The following CRHR1 variants were observed in gnomAD, a reference collection of about 807,000 sequenced individuals.
CRHR1 encodes corticotropin releasing hormone receptor 1.
A neutral mutation model predicts 56.0 loss-of-function variants in CRHR1; 28 were observed. That is an observed-to-expected ratio of 0.50 (90% CI 0.37 to 0.69). The LOEUF is 0.69. Ranked by LOEUF, CRHR1 falls within the 30% of genes least tolerant of loss-of-function variation. CRHR1 has a pLI of 0.00. For missense variants in CRHR1, 376 were observed against 548.0 expected (o/e 0.69, Z 3.13); for synonymous variants, 195 against 216.5 (o/e 0.90, Z 0.87).
At chr17:45,790,974 T>C (rs1436970415) in intron 1 of CRHR1, among the ~76,000 whole-genome samples, 2 of 152,160 alleles carry the variant, frequency 1.3e-5, no homozygotes, top group Non-Finnish European at 2.9e-5. Flanking sequence ...CCCACAGAGC[T>C]GAAAGGCACC....
Position 45,821,468 on chromosome 17 carries a change from A to G in CRHR1, c.327+28A>G, listed in dbSNP as rs759285896. The stretch of plus-strand genomic sequence containing the variant: ...GAGGCTGAGCCGAACAAGGCTGCCC[A>G]TATGGAGGGGAGTCCAGGGTCCCCA... On this transcript the variant is annotated intron_variant, in intron 4 of 12. Coordinates refer to ENST00000314537, the MANE Select transcript of CRHR1 (RefSeq NM_004382.5). 5 of 1,600,434 alleles carry G rather than the reference A, an allele frequency of 3.1e-6. No individual in the cohort carries two copies. In the African/African-American group the frequency reaches 5.3e-5, roughly 17 times the overall value.
At chr17:45,827,426 T>C (rs1454583851) in intron 4 of CRHR1, among the ~76,000 whole-genome samples, 1 of 152,188 alleles carries the variant, frequency 6.6e-6, no homozygotes, top group Admixed American at 6.5e-5. Context: ...TGTGGAAAAT[T>C]TAATAAAAGG....
chr17:45,816,037 G>A (rs17762769), intron 2 of CRHR1, among the ~76,000 whole-genome samples: 21,816 of 152,216 alleles, frequency 0.14, 2,137 homozygotes, highest in Middle Eastern at 0.22. Context: ...GAGGGGCTAG[G>A]TCAATGATTG....
chr17:45,817,029 C>T (rs1159780324), intron 3 of CRHR1, among the ~76,000 whole-genome samples: 4 of 152,200 alleles, frequency 2.6e-5, no homozygotes, highest in African/African-American at 4.8e-5. Context: ...AGGCCTACCC[C>T]GGGCCCTCCA....
At chr17:45,795,246 G>A (rs1417971461) in intron 1 of CRHR1, among the ~76,000 whole-genome samples, 1 of 152,154 alleles carries the variant, frequency 6.6e-6, no homozygotes, top group African/African-American at 2.4e-5. Flanking sequence ...TCCTCTTCCT[G>A]CCTTGAAGGT....
At chr17:45,796,096 C>T (rs2061511419) in intron 1 of CRHR1, among the ~76,000 whole-genome samples, 3 of 152,236 alleles carry the variant, frequency 2.0e-5, no homozygotes, top group African/African-American at 7.2e-5. Flanking sequence ...CTTTTCTCTG[C>T]CGACACCGAA....
In CRHR1 at chr17:45,833,514, C is replaced by T; in HGVS notation, c.906C>T (p.Thr302=). ...RILMTKLRAS[T]TSETIQYRKA... ...TCATGACCAAGCTCCGGGCATCCAC[C>T]ACGTCTGAGACCATTCAGTACAGGT... Residue 302 remains threonine (T), a synonymous_variant, in exon 10 of 13, where the codon ACC becomes ACT. Transcript: ENST00000314537. 1.4e-5 allele frequency: 23 copies of T among 1,614,034 alleles called. No homozygotes were observed. The highest frequency in any genetic ancestry group is 1.9e-5 in the Non-Finnish European group (22 of 1,179,986).
chr17:45,820,950 C>T (rs116037753), intron 3 of CRHR1, among the ~76,000 whole-genome samples: 2,329 of 152,320 alleles, frequency 0.015, 68 homozygotes, highest in African/African-American at 0.049. Flanking sequence ...TGAAAATTGA[C>T]TCATGAGGTC....
At position 45,791,483 on chromosome 17, in the gene CRHR1, GACCT is replaced by G. The variant is rs571512764; in HGVS notation, c.33+6907_33+6910del. On this transcript the variant is annotated intron_variant, in intron 1 of 12. Transcript: ENST00000314537. ...AGCAAAAGGGGAGGGAGAAGAAAAA[GACCT>G]GCCTGCCTGCCTTGGTCATTCTTGC... 2.1e-3 allele frequency among the ~76,000 whole-genome samples: 324 copies of G among 152,236 alleles called. 2 individuals are homozygous for G. The highest frequency in any genetic ancestry group is 2.8e-3 in the Non-Finnish European group (192 of 68,002).
chr17:45,804,181 C>A (rs1415606498), intron 1 of CRHR1, among the ~76,000 whole-genome samples: 1 of 152,188 alleles, frequency 6.6e-6, no homozygotes, highest in Non-Finnish European at 1.5e-5. Flanking sequence ...ATCATCACTC[C>A]TGAGTCCCAG....
intron 2 of CRHR1, among the ~76,000 whole-genome samples, chr17:45,814,090 G>T (rs116499445): frequency 0.02 from 2,991 of 152,360 alleles, 90 homozygotes; most frequent in African/African-American, 0.068. Context: ...AAGAAGACTG[G>T]CCGGGGAAGG....
intron 4 of CRHR1, among the ~76,000 whole-genome samples, chr17:45,828,547 A>G (rs1219546986): frequency 6.6e-6 from 1 of 152,134 alleles, no homozygotes; most frequent in East Asian, 1.9e-4. Context: ...TAAGAAATAA[A>G]CCCGGGGAAT....
chr17:45,833,067 C>A, intron 8 of CRHR1, 71 bp from the exon 9 acceptor site: 1 of 1,365,016 alleles, frequency 7.3e-7, no homozygotes, highest in Non-Finnish European at 1.1e-6. Context: ...CCTGGCCAAG[C>A]ACTGTCCCTC....
intron 1 of CRHR1, among the ~76,000 whole-genome samples, chr17:45,788,321 ATC>A (rs1260273191): frequency 1.3e-5 from 2 of 152,310 alleles, no homozygotes; most frequent in Admixed American, 6.5e-5. Flanking sequence ...GCCACAGTTT[ATC>A]TGTCTGTAAA....
chr17:45,833,091 G>A (rs770632053), intron 8 of CRHR1, 47 bp from the exon 9 acceptor site: 84 of 1,526,418 alleles, frequency 5.5e-5, no homozygotes, highest in Admixed American at 2.3e-4. Flanking sequence ...ATGCCATCGA[G>A]GTGGACGCAG....
rs1418364348 is a variant in CRHR1, at chr17:45,816,550, C to G, written c.209C>G (p.Ala70Gly). Residue 70 changes from alanine (A) to glycine (G), a missense_variant, in exon 3 of 13, where the codon GCC becomes GGC. This residue lies in a region of CRHR1 where 369 missense variants were observed against 519.5 expected (regional missense o/e 0.71). Transcript: ENST00000314537. ...AGQLVVRPCP[A>G]FFYGVRYNTT... Reference sequence around the variant, plus strand: ...CAGCTAGTGGTTCGGCCCTGCCCTGCCTTTTTCTATGGTGTCCGCTACAAT... The same window carrying G: ...CAGCTAGTGGTTCGGCCCTGCCCTGGCTTTTTCTATGGTGTCCGCTACAAT... 2 of 1,614,090 alleles carry G rather than the reference C, an allele frequency of 1.2e-6. No homozygotes were observed. The highest frequency in any genetic ancestry group is 1.7e-4 in the Middle Eastern group (1 of 6,060).
intron 3 of CRHR1, among the ~76,000 whole-genome samples, chr17:45,817,881 C>T (rs1021647850): frequency 6.6e-6 from 1 of 152,190 alleles, no homozygotes; most frequent in African/African-American, 2.4e-5. Flanking sequence ...AAGGGGTGCA[C>T]AGTTGGCCAG....
At chr17:45,829,692 C>G in intron 5 of CRHR1, 1 of 1,521,576 alleles carries the variant, frequency 6.6e-7, no homozygotes, top group Non-Finnish European at 8.9e-7. Context: ...GGTGGCAGAG[C>G]CGGGGATGGG....
intron 6 of CRHR1, 39 bp from the exon 7 acceptor site, chr17:45,830,378 G>A: frequency 6.3e-7 from 1 of 1,589,298 alleles, no homozygotes; most frequent in Non-Finnish European, 8.6e-7. Flanking sequence ...TGCCTCCCCT[G>A]CCCCCCATCA....
Sources: gnomAD v4.1 joint callset for allele counts (sites outside exome capture counted in the v4.1 genomes callset) on GRCh38, gnomAD v4.1.1 for gene constraint, gnomAD v4.1.1 regional missense constraint, MANE v1.5 for transcripts, NCBI Gene and HGNC (gene_info 2026-07-23, HGNC 2026-07-21) for gene names.